The following CDH4 variants were observed in gnomAD, a reference collection of about 807,000 sequenced individuals.
CDH4 encodes the protein cadherin-4.
CDH4 carries 33 observed loss-of-function variants against 86.0 expected under a neutral mutation model. The ratio of observed to expected loss-of-function variants is 0.38; its 90% confidence interval spans 0.29 to 0.51. CDH4 has a LOEUF of 0.51. CDH4 is among the 20% of genes least tolerant of loss of function. CDH4 has a pLI of 0.86. For missense variants in CDH4, 1,114 were observed against 1,307.4 expected, an observed-to-expected ratio of 0.85 and a Z score of 2.28; for synonymous variants, 555 against 549.4, an observed-to-expected ratio of 1.01 and a Z score of -0.14.
intron 2 of CDH4, among the ~76,000 whole-genome samples, chr20:61,362,213 G>C (rs372013825): frequency 1.3e-3 from 196 of 152,350 alleles, no homozygotes; most frequent in African/African-American, 4.6e-3. Context: ...AGCCTGGCAG[G>C]GGGGGATGTG....
rs909145467 is a variant in CDH4 at position 61,300,028 on chromosome 20, G to T, written c.169+45091G>T. On this transcript the variant is annotated intron_variant, in intron 2 of 15. Transcript: ENST00000614565. ...ACTGAAAATGGCTCTTTAGGGAATC[G>T]TGTGTATTTCTTCATCCAACAAACA... Among the ~76,000 whole-genome samples the T allele has an allele frequency of 2.0e-5, 3 of 152,126 alleles. No homozygotes were observed. The East Asian group carries it at 5.8e-4, about 29-fold the overall frequency.
chr20:61,355,978 C>T (rs931958699), intron 2 of CDH4, among the ~76,000 whole-genome samples: 6 of 152,218 alleles, frequency 3.9e-5, no homozygotes, highest in Non-Finnish European at 7.3e-5. Context: ...TATGGGGTTT[C>T]GGATGCATAA....
chr20:61,640,446 A>G (rs1001632066), intron 2 of CDH4, among the ~76,000 whole-genome samples: 4 of 151,982 alleles, frequency 2.6e-5, no homozygotes, highest in Non-Finnish European at 5.9e-5. Context: ...TAGACCAACC[A>G]CCCAGCCCTG....
At chr20:61,318,413 GT>G (rs141003221) in intron 2 of CDH4, among the ~76,000 whole-genome samples, 3,947 of 152,268 alleles carry the variant, frequency 0.026, 172 homozygotes, top group African/African-American at 0.088. Context: ...AAACCTAAGC[GT>G]GTGACAATGA....
chr20:61,291,211 G>C (rs2084318828), intron 2 of CDH4, among the ~76,000 whole-genome samples: 1 of 152,190 alleles, frequency 6.6e-6, no homozygotes, highest in Non-Finnish European at 1.5e-5. Flanking sequence ...TTGAATGGTG[G>C]CCTCCAAAAG....
chr20:61,670,461 G>A (rs771076851), intron 2 of CDH4, among the ~76,000 whole-genome samples: 9 of 152,172 alleles, frequency 5.9e-5, no homozygotes, highest in Admixed American at 1.3e-4. Context: ...CCAGCATCAC[G>A]TGTCCCCTGA....
chr20:61,690,341 G>A (rs776158155), intron 2 of CDH4, among the ~76,000 whole-genome samples: 4 of 152,190 alleles, frequency 2.6e-5, no homozygotes, highest in Non-Finnish European at 5.9e-5. Context: ...CCCGGAGGTG[G>A]TGACATTGTG....
chr20:61,594,733 C>T (rs930342524), intron 2 of CDH4, among the ~76,000 whole-genome samples: 2 of 152,156 alleles, frequency 1.3e-5, no homozygotes, highest in African/African-American at 2.4e-5. Context: ...GTGAAGACGC[C>T]GCCGTGTCTG....
chr20:61,453,448 T>C (rs6062150), intron 2 of CDH4, among the ~76,000 whole-genome samples: 13,702 of 152,128 alleles, frequency 0.09, 1,743 homozygotes, highest in African/African-American at 0.29. Context: ...CCCCCTGAGC[T>C]TCTTCCAGTG....
chr20:61,595,654 A>T (rs1049594279), intron 2 of CDH4, among the ~76,000 whole-genome samples: 1 of 152,196 alleles, frequency 6.6e-6, no homozygotes, highest in East Asian at 1.9e-4. Context: ...AACGTTAGCC[A>T]TGGTTCCGAG....
At chr20:61,531,101 G>A (rs1210942271) in intron 2 of CDH4, among the ~76,000 whole-genome samples, 1 of 150,708 alleles carries the variant, frequency 6.6e-6, no homozygotes, top group Non-Finnish European at 1.5e-5. Flanking sequence ...ACCAGAGGGA[G>A]ACCTTGGACC....
intron 2 of CDH4, among the ~76,000 whole-genome samples, chr20:61,686,957 A>C (rs1374019656): frequency 6.7e-6 from 1 of 149,702 alleles, no homozygotes; most frequent in Non-Finnish European, 1.5e-5. Context: ...CGACCCAGCA[A>C]CTCTGCTCCC....
chr20:61,602,694 TAAAAAAAAAA>T (rs10641053), intron 2 of CDH4, among the ~76,000 whole-genome samples: 83 of 89,126 alleles, frequency 9.3e-4, no homozygotes, highest in African/African-American at 3.4e-3. Flanking sequence ...TTCACTTTAT[TAAAAAAAAAA>T]AAAAAAAAAA....
intron 2 of CDH4, among the ~76,000 whole-genome samples, chr20:61,312,166 C>T (rs144852797): frequency 1.4e-3 from 197 of 137,302 alleles, no homozygotes; most frequent in Non-Finnish European, 2.3e-3. Flanking sequence ...GTTGTGTATG[C>T]GTGTGGGATG....
At chr20:61,323,537 A>T (rs1239983018) in intron 2 of CDH4, among the ~76,000 whole-genome samples, 1 of 152,212 alleles carries the variant, frequency 6.6e-6, no homozygotes, top group Non-Finnish European at 1.5e-5. Context: ...GGAGCCAGTG[A>T]CATTCAGCTT....
chr20:61,320,599 T>C (rs2084502609), intron 2 of CDH4, among the ~76,000 whole-genome samples: 1 of 151,820 alleles, frequency 6.6e-6, no homozygotes, highest in Admixed American at 6.6e-5. Context: ...GAGTGGGGGA[T>C]GGGGGTGCTA....
chr20:61,644,827 C>T (rs2087045544), intron 2 of CDH4, among the ~76,000 whole-genome samples: 1 of 152,210 alleles, frequency 6.6e-6, no homozygotes, highest in African/African-American at 2.4e-5. Flanking sequence ...TGTGGAAACC[C>T]TCCTCCCCGG....
rs1320685291 is a variant in CDH4, at chr20:61,517,251, G to A, written c.170-226312G>A. Among the ~76,000 whole-genome samples, 2 of 152,236 alleles carry A rather than the reference G, an allele frequency of 1.3e-5. No homozygotes were observed. The highest frequency in any genetic ancestry group is 2.9e-5 in the Non-Finnish European group (2 of 68,042). On this transcript the variant is annotated intron_variant, in intron 2 of 15. Coordinates refer to ENST00000614565, the MANE Select transcript of CDH4 (RefSeq NM_001794.5). This position sits in a 1 kb window ranked among gnomAD's most constrained non-coding sequence, Gnocchi z 6.6. ...TCTGTTGCCCAGGCTGGAAGGCAGT[G>A]GCGCAGTCACAACCCACGGCAGCCG... is the stretch of plus-strand genomic sequence containing the variant.
chr20:61,294,232 C>A (rs2084339635), intron 2 of CDH4, among the ~76,000 whole-genome samples: 1 of 152,180 alleles, frequency 6.6e-6, no homozygotes, highest in African/African-American at 2.4e-5. Flanking sequence ...TGACACCAGC[C>A]CTGGTTCCCT....
Sources: gnomAD v4.1 joint callset for allele counts (sites outside exome capture counted in the v4.1 genomes callset) on GRCh38, gnomAD v4.1.1 for gene constraint, Gnocchi (gnomAD v3.1) non-coding constraint, MANE v1.5 for transcripts, NCBI Gene and HGNC (gene_info 2026-07-23, HGNC 2026-07-21) for gene names.